The following ITGB6 variants were observed in gnomAD, a reference collection of about 807,000 sequenced individuals.
The protein encoded by ITGB6 is integrin beta-6.
In ITGB6, 80 loss-of-function variants were observed where a neutral mutation model predicts 84.5. The observed-to-expected ratio is 0.95, with a 90% CI of 0.79 to 1.14. ITGB6 has a LOEUF of 1.14. Ranked by LOEUF, ITGB6 falls within the 50% of genes most tolerant of loss-of-function variation. The pLI is 0.00. For synonymous variants in ITGB6, 383 were observed against 354.9 expected, an observed-to-expected ratio of 1.08 and a Z score of -0.89; for missense variants, 1,006 against 968.0, an observed-to-expected ratio of 1.04 and a Z score of -0.52.
In ITGB6 at chr2:160,138,093, T is replaced by A. The variant is rs774654149; in HGVS notation, c.1214A>T (p.Lys405Ile). The A allele has an allele frequency of 6.2e-7, 1 of 1,613,548 alleles. No homozygotes were observed. Among genetic ancestry groups the A allele is most frequent in the Admixed American group, 1.7e-5 (1 of 59,848 alleles). Residue 405 changes from lysine (K) to isoleucine (I), a missense_variant, in exon 9 of 15, where the codon AAA (lysine) becomes ATA (isoleucine). Lys to Ile is a moderately radical substitution (Grantham distance 102). Coordinates refer to ENST00000283249, the MANE Select transcript of ITGB6 (RefSeq NM_000888.5). ...GTCTCCCACTTTCATGTGAGAGCAT[T>A]TCTTTTGGTGTTGGAAGAGGGTACC... The part of the protein sequence containing the change: ...NNGTLFQHQK[K>I]CSHMKVGDTA...
chr2:160,165,006 C>T (rs1233611248), intron 7 of ITGB6, among the ~76,000 whole-genome samples: 2 of 152,160 alleles, frequency 1.3e-5, no homozygotes, highest in Admixed American at 1.3e-4. Flanking sequence ...TGGCCCTCCT[C>T]AGTCTTTGTT....
chr2:160,174,752 G>A (rs149849273), intron 4 of ITGB6, among the ~76,000 whole-genome samples: 167 of 152,150 alleles, frequency 1.1e-3, no homozygotes, highest in Non-Finnish European at 1.8e-3. Flanking sequence ...GAACACAAAG[G>A]GCTGATCATG....
intron 7 of ITGB6, among the ~76,000 whole-genome samples, chr2:160,147,044 A>G (rs911276520): frequency 1.3e-5 from 2 of 150,948 alleles, no homozygotes. Flanking sequence ...GGCTGCAGCC[A>G]CTGCATTCCA....
chr2:160,134,422 C>A (rs985504837), intron 10 of ITGB6, among the ~76,000 whole-genome samples: 1 of 152,228 alleles, frequency 6.6e-6, no homozygotes, highest in East Asian at 1.9e-4. Flanking sequence ...AATAGCTTAC[C>A]AACCAAAAAC....
intron 7 of ITGB6, among the ~76,000 whole-genome samples, chr2:160,160,861 C>A (rs534410459): frequency 5.9e-5 from 9 of 152,160 alleles, no homozygotes; most frequent in Admixed American, 1.3e-4. Flanking sequence ...ACATGGGTAA[C>A]TGAATTATGC....
In ITGB6 at chr2:160,199,998, C is replaced by T. The variant is rs771363372; in HGVS notation, c.61+5G>A. The T allele has an allele frequency of 3.1e-6, 5 of 1,611,444 alleles. No individual in the cohort carries two copies. The East Asian group carries it at 1.1e-4, about 36-fold the overall frequency. On this transcript the variant is annotated splice_donor_5th_base_variant and intron_variant, in intron 1 of 14. Transcript: ENST00000283249. ...AAGTAATATATCAGAGAACGCAGGTCTTACCTTGTACGTGATCATTCCTTC... is the reference window on the plus strand; with the variant it reads ...AAGTAATATATCAGAGAACGCAGGTTTTACCTTGTACGTGATCATTCCTTC...
chr2:160,117,304 A>G (rs540862351), intron 12 of ITGB6, among the ~76,000 whole-genome samples: 12 of 152,174 alleles, frequency 7.9e-5, no homozygotes, highest in African/African-American at 2.9e-4. Flanking sequence ...CAGAAATTAT[A>G]ACAAACTGTC....
intron 12 of ITGB6, among the ~76,000 whole-genome samples, chr2:160,122,801 T>C (rs2105796937): frequency 6.6e-6 from 1 of 152,328 alleles, no homozygotes; most frequent in South Asian, 2.1e-4. Flanking sequence ...CAAAACAATA[T>C]AAAGTTCATT....
chr2:160,159,382 G>T (rs1483204253), intron 7 of ITGB6, among the ~76,000 whole-genome samples: 1 of 152,040 alleles, frequency 6.6e-6, no homozygotes, highest in African/African-American at 2.4e-5. Flanking sequence ...TCTATCAGAG[G>T]GCTTGTAGTG....
intron 13 of ITGB6, among the ~76,000 whole-genome samples, chr2:160,111,649 G>C (rs910452346): frequency 7.1e-6 from 1 of 140,824 alleles, no homozygotes; most frequent in African/African-American, 2.7e-5. Context: ...GCGCGATCTC[G>C]GATCAACGCA....
intron 7 of ITGB6, among the ~76,000 whole-genome samples, chr2:160,160,619 T>TCTTAAACTC (rs1360525293): frequency 4.6e-5 from 7 of 152,320 alleles, no homozygotes; most frequent in Admixed American, 3.9e-4. Context: ...TAGAAAATAC[T>TCTTAAACTC]CTTAAACTCT....
chr2:160,119,793 C>G (rs1029936242), intron 12 of ITGB6, among the ~76,000 whole-genome samples: 6 of 151,888 alleles, frequency 4.0e-5, no homozygotes, highest in Admixed American at 3.9e-4. Context: ...TATCCAGAAT[C>G]TACAATGAAC....
At chr2:160,189,491 T>A (rs938640568) in intron 4 of ITGB6, among the ~76,000 whole-genome samples, 12 of 151,944 alleles carry the variant, frequency 7.9e-5, no homozygotes. Context: ...TACAATGAAC[T>A]CAAACAAATT....
chr2:160,181,461 T>C (rs1293869765), intron 4 of ITGB6, among the ~76,000 whole-genome samples: 1 of 152,182 alleles, frequency 6.6e-6, no homozygotes, highest in Non-Finnish European at 1.5e-5. Context: ...GGGCAGGAAA[T>C]CTTTGAAAGA....
At chr2:160,135,812 C>T (rs1474182307) in intron 10 of ITGB6, among the ~76,000 whole-genome samples, 1 of 152,128 alleles carries the variant, frequency 6.6e-6, no homozygotes, top group African/African-American at 2.4e-5. Flanking sequence ...GAAAGGATTC[C>T]CTATTTAATA....
intron 4 of ITGB6, among the ~76,000 whole-genome samples, chr2:160,182,105 C>T (rs1339928247): frequency 1.3e-5 from 2 of 152,202 alleles, no homozygotes; most frequent in Admixed American, 6.5e-5. Flanking sequence ...ATTACAACTC[C>T]TCGCCAGCAA....
intron 12 of ITGB6, among the ~76,000 whole-genome samples, chr2:160,114,434 C>A (rs959246065): frequency 6.6e-6 from 1 of 152,150 alleles, no homozygotes; most frequent in Non-Finnish European, 1.5e-5. Flanking sequence ...TGGAACCATA[C>A]TCAGAGAAGG....
intron 13 of ITGB6, among the ~76,000 whole-genome samples, chr2:160,110,889 G>A (rs1486294842): frequency 6.6e-6 from 1 of 152,170 alleles, no homozygotes; most frequent in East Asian, 1.9e-4. Context: ...GCGGACATTT[G>A]TTGAGGAAGA....
chr2:160,116,667 T>C (rs1203147129), intron 12 of ITGB6, among the ~76,000 whole-genome samples: 3 of 152,148 alleles, frequency 2.0e-5, no homozygotes, highest in Non-Finnish European at 2.9e-5. Flanking sequence ...ATAACAATAT[T>C]AACTTTAAAT....
Sources: allele counts gnomAD v4.1 joint callset (sites outside exome capture counted in the v4.1 genomes callset), GRCh38; gene constraint gnomAD v4.1.1; transcripts MANE v1.5; gene names NCBI Gene and HGNC (gene_info 2026-07-23, HGNC 2026-07-21).